Variants in NALF1 observed in about 807,000 individuals in gnomAD.
NALF1 encodes the protein family with sequence similarity 155 member A.
In NALF1, 3 loss-of-function variants were observed where a neutral mutation model predicts 48.4. That is an observed-to-expected ratio of 0.06 (90% CI 0.03 to 0.16). The LOEUF is 0.16. Among genes scored for constraint, NALF1 ranks in the 10% least tolerant of loss-of-function variants. The probability of loss-of-function intolerance (pLI) is 1.00; values close to 1 mark genes in which losing one functional copy is unlikely to be tolerated. For synonymous variants in NALF1, 262 were observed against 245.7 expected (o/e 1.07, Z -0.62); for missense variants, 526 against 571.5 (o/e 0.92, Z 0.81).
At chr13:107,207,658 T>G (rs1415912844) in intron 2 of NALF1, among the ~76,000 whole-genome samples, 1 of 152,148 alleles carries the variant, frequency 6.6e-6, no homozygotes, top group East Asian at 1.9e-4. Context: ...TTCATTTTCT[T>G]TTTCATTTGA....
At chr13:107,229,631 A>G (rs1880178536) in intron 1 of NALF1, among the ~76,000 whole-genome samples, 1 of 152,196 alleles carries the variant, frequency 6.6e-6, no homozygotes, top group African/African-American at 2.4e-5. Context: ...GAGAGAAAGC[A>G]GCACCCCACA....
At chr13:107,320,097 A>G (rs1156243716) in intron 1 of NALF1, among the ~76,000 whole-genome samples, 1 of 152,156 alleles carries the variant, frequency 6.6e-6, no homozygotes, top group Non-Finnish European at 1.5e-5. Flanking sequence ...GATGTTCTAG[A>G]AAAGGTAAGC....
intron 1 of NALF1, among the ~76,000 whole-genome samples, chr13:107,608,756 A>G (rs1043108377): frequency 2.6e-5 from 4 of 152,244 alleles, no homozygotes; most frequent in Admixed American, 1.3e-4. Flanking sequence ...CCCCAAGGCT[A>G]AGGATGAGGC....
chr13:107,598,810 C>T (rs1051616520), intron 1 of NALF1, among the ~76,000 whole-genome samples: 63 of 152,172 alleles, frequency 4.1e-4, no homozygotes, highest in African/African-American at 1.2e-3. Context: ...GAGGCAGTGG[C>T]CTTCTCCCTC....
chr13:107,815,227 A>G (rs1879127551), intron 1 of NALF1, among the ~76,000 whole-genome samples: 1 of 152,108 alleles, frequency 6.6e-6, no homozygotes, highest in Non-Finnish European at 1.5e-5. Context: ...CAACCCAAAG[A>G]GTGGAAGAAA....
intron 1 of NALF1, among the ~76,000 whole-genome samples, chr13:107,769,097 G>A (rs1310459202): frequency 6.7e-6 from 1 of 148,668 alleles, no homozygotes; most frequent in African/African-American, 2.5e-5. Context: ...TGGTGGGACT[G>A]TAAACTAGTT....
intron 1 of NALF1, among the ~76,000 whole-genome samples, chr13:107,395,556 G>T (rs1883698312): frequency 6.6e-6 from 1 of 152,080 alleles, no homozygotes; most frequent in Non-Finnish European, 1.5e-5. Context: ...TCTGCTGGGG[G>T]TTTATCTTCC....
chr13:107,217,533 ATC>A (rs916480715), intron 1 of NALF1, among the ~76,000 whole-genome samples: 10 of 151,668 alleles, frequency 6.6e-5, no homozygotes, highest in African/African-American at 2.2e-4. Flanking sequence ...ACCAATGCTG[ATC>A]TCTCTCTCTC....
At chr13:107,663,137 T>C (rs566675640) in intron 1 of NALF1, among the ~76,000 whole-genome samples, 42 of 152,316 alleles carry the variant, frequency 2.8e-4, no homozygotes, top group African/African-American at 8.7e-4. Flanking sequence ...ATAACTATCA[T>C]ATGTCTTACA....
At chr13:107,797,284 C>T (rs995312703) in intron 1 of NALF1, among the ~76,000 whole-genome samples, 6 of 152,294 alleles carry the variant, frequency 3.9e-5, no homozygotes, top group South Asian at 4.1e-4. Flanking sequence ...TAGCTCACTG[C>T]GAGCTCTGCT....
intron 1 of NALF1, among the ~76,000 whole-genome samples, chr13:107,823,342 G>A (rs1383467044): frequency 1.3e-5 from 2 of 152,032 alleles, no homozygotes; most frequent in Admixed American, 6.6e-5. Flanking sequence ...CTCTCACCTG[G>A]GTAAGTCCAA....
rs59715915 is a variant in NALF1, at chr13:107,599,421, C to CAAA, written c.915+266258_915+266260dup. On this transcript the variant is annotated intron_variant, in intron 1 of 2. Transcript: ENST00000375915. ...GGGGCAACAGAGCGAGACTCCGTCT[C>CAAA]AAAAAAAAAAAAAAAAAATAACATT... is the stretch of plus-strand genomic sequence containing the variant. Among the ~76,000 whole-genome samples, 113 of 122,234 alleles carry CAAA rather than the reference C, an allele frequency of 9.2e-4. 2 individuals carry two copies. Among genetic ancestry groups the CAAA allele is most frequent in the African/African-American group, 3.1e-3 (100 of 32,210 alleles). The allele number at this position is 122,234 out of a possible 152,430, so 80.2% of individuals were successfully genotyped here. A position where few individuals can be genotyped will look rare whatever the true frequency, so the allele number is the denominator to read the frequency against.
intron 1 of NALF1, among the ~76,000 whole-genome samples, chr13:107,746,112 T>C (rs975621221): frequency 2.8e-4 from 42 of 152,188 alleles, no homozygotes; most frequent in African/African-American, 1.0e-3. Context: ...AAGCAAGCAA[T>C]GATCAATGAA....
chr13:107,528,807 C>T (rs1594111975), intron 1 of NALF1, among the ~76,000 whole-genome samples: 1 of 152,100 alleles, frequency 6.6e-6, no homozygotes, highest in Non-Finnish European at 1.5e-5. Context: ...TTCATTAATA[C>T]GTACAGTAAA....
At chr13:107,246,272 T>C (rs1477107601) in intron 1 of NALF1, among the ~76,000 whole-genome samples, 5 of 152,230 alleles carry the variant, frequency 3.3e-5, no homozygotes, top group Admixed American at 6.5e-5. Flanking sequence ...TTCTGTCTTA[T>C]ATTCAGTTCA....
intron 1 of NALF1, among the ~76,000 whole-genome samples, chr13:107,387,922 C>G (rs1378972491): frequency 6.6e-6 from 1 of 152,002 alleles, no homozygotes; most frequent in Non-Finnish European, 1.5e-5. Context: ...TTTTGCTTTT[C>G]TTTCTTGTCT....
chr13:107,370,840 T>G (rs955410740), intron 1 of NALF1, among the ~76,000 whole-genome samples: 1 of 152,176 alleles, frequency 6.6e-6, no homozygotes, highest in Non-Finnish European at 1.5e-5. Flanking sequence ...CTTCTTCACA[T>G]GGCAGCAGCA....
In NALF1 at chr13:107,804,533, A is replaced by T. The variant is rs138427444; in HGVS notation, c.915+61149T>A. Among the ~76,000 whole-genome samples, 41 of 152,242 alleles carry T rather than the reference A, an allele frequency of 2.7e-4. No individual in the cohort carries two copies. The East Asian group carries it at 7.8e-3, about 29-fold the overall frequency. ...GGACTAGTCCCCAAGCTCCCTGAAG[A>T]CAGGGACAACATCCCTCCATCCTGT... On this transcript the variant is annotated intron_variant, in intron 1 of 2. Coordinates refer to ENST00000375915, the MANE Select transcript of NALF1 (RefSeq NM_001080396.3).
chr13:107,443,160 TTATCTAACAATCTATC>T (rs1234486155), intron 1 of NALF1, among the ~76,000 whole-genome samples: 3 of 144,450 alleles, frequency 2.1e-5, no homozygotes, highest in Admixed American at 7.0e-5. Flanking sequence ...TATTATTTAT[TTATCTAACAATCTATC>T]TATCTATCTA....
Sources: gnomAD v4.1 joint callset for allele counts (sites outside exome capture counted in the v4.1 genomes callset) on GRCh38, gnomAD v4.1.1 for gene constraint, MANE v1.5 for transcripts, NCBI Gene and HGNC (gene_info 2026-07-23, HGNC 2026-07-21) for gene names.